Variants in RASSF5 observed in about 807,000 individuals in gnomAD.
The protein encoded by RASSF5 is Ras association domain family member 5.
RASSF5 carries 25 observed loss-of-function variants against 40.5 expected under a neutral mutation model. That is an observed-to-expected ratio of 0.62 (90% confidence interval 0.45 to 0.86). The LOEUF is 0.86. RASSF5 is among the 40% of genes least tolerant of loss of function. RASSF5 has a pLI of 0.00. For missense variants in RASSF5, 521 were observed against 572.8 expected, an observed-to-expected ratio of 0.91 and a Z score of 0.92; for synonymous variants, 246 against 252.4, an observed-to-expected ratio of 0.97 and a Z score of 0.24.
chr1:206,583,409 C>T, intron 3 of RASSF5, 30 bp downstream of exon 3: 1 of 1,455,918 alleles, frequency 6.9e-7, no homozygotes, highest in Non-Finnish European at 9.7e-7. Flanking sequence ...CAACCTGGCC[C>T]CTGCTCCACC....
intron 2 of RASSF5, among the ~76,000 whole-genome samples, chr1:206,578,516 A>C (rs1300014508): frequency 3.3e-5 from 5 of 152,192 alleles, no homozygotes; most frequent in Non-Finnish European, 7.3e-5. Flanking sequence ...TTGACAAATA[A>C]AGTGACTTCT....
At chr1:206,585,080 T>C in intron 4 of RASSF5, 100 bp from the exon 5 acceptor site, 2 of 808,248 alleles carry the variant, frequency 2.5e-6, no homozygotes, top group Non-Finnish European at 4.1e-6. Context: ...TACTTCCAGT[T>C]GTACGTACCC....
At chr1:206,548,896 C>T (rs1477966701) in intron 2 of RASSF5, among the ~76,000 whole-genome samples, 4 of 152,080 alleles carry the variant, frequency 2.6e-5, no homozygotes, top group East Asian at 1.9e-4. Context: ...GACAGAGTCT[C>T]GCTCTGTTGC....
chr1:206,568,679 G>A (rs1668350307), intron 2 of RASSF5, among the ~76,000 whole-genome samples: 5 of 152,186 alleles, frequency 3.3e-5, no homozygotes, highest in Admixed American at 2.6e-4. Context: ...CCCGGGCCCT[G>A]TACAGCCTGC....
intron 1 of RASSF5, among the ~76,000 whole-genome samples, chr1:206,516,509 T>A (rs1347957938): frequency 6.6e-6 from 1 of 151,868 alleles, no homozygotes; most frequent in Non-Finnish European, 1.5e-5. Flanking sequence ...CAGACTGGAG[T>A]GCAGTGGTGC....
intron 1 of RASSF5, among the ~76,000 whole-genome samples, chr1:206,523,477 A>C (rs1190196556): frequency 9.7e-6 from 1 of 103,598 alleles, no homozygotes; most frequent in Non-Finnish European, 1.8e-5. Context: ...TTTTATATAC[A>C]ATATATAATA....
At chr1:206,562,625 A>G (rs1429521466) in intron 2 of RASSF5, among the ~76,000 whole-genome samples, 1 of 152,156 alleles carries the variant, frequency 6.6e-6, no homozygotes, top group Admixed American at 6.5e-5. Context: ...AACAACATCA[A>G]GTACTTGGTT....
chr1:206,569,713 G>A (rs1553403908), intron 2 of RASSF5, among the ~76,000 whole-genome samples: 1 of 152,162 alleles, frequency 6.6e-6, no homozygotes, highest in Non-Finnish European at 1.5e-5. Context: ...CCTGATCTCT[G>A]AGCACAGGCT....
In RASSF5 at chr1:206,524,037, A is replaced by G. The variant is rs1419745260; in HGVS notation, c.458-14135A>G. ...ATATATAATAGGTATACCATATATA[A>G]TATATTTTATATATAATAGGTATAA... On this transcript the variant is annotated intron_variant, in intron 1 of 5. Coordinates refer to ENST00000579436, the MANE Select transcript of RASSF5 (RefSeq NM_182663.4). 5.0e-4 allele frequency among the ~76,000 whole-genome samples: 59 copies of G among 119,108 alleles called. No individual in the cohort carries two copies. The South Asian group carries it at 6.5e-3, about 13-fold the overall frequency. 78.1% of individuals were successfully genotyped at this position (119,108 alleles called of 152,430 possible).
rs1667369293 is a variant in RASSF5, at chr1:206,535,715, G to C, written c.458-2457G>C. Among the ~76,000 whole-genome samples the C allele has an allele frequency of 6.9e-6, 1 of 145,008 alleles. No individual in the cohort carries two copies. Among genetic ancestry groups the C allele is most frequent in the Non-Finnish European group, 1.5e-5 (1 of 65,326 alleles). ...TGTGTGTGTGTGTCTGTGTGTGTGT[G>C]GTGTGTGTGTGTGTGTGTGTGTGTG... On this transcript the variant is annotated intron_variant, in intron 1 of 5. Coordinates refer to ENST00000579436, the MANE Select transcript of RASSF5 (RefSeq NM_182663.4). This position sits in a 1 kb window ranked among gnomAD's most constrained non-coding sequence, Gnocchi z 5.0.
At chr1:206,567,107 T>G (rs2103547514) in intron 2 of RASSF5, among the ~76,000 whole-genome samples, 1 of 152,338 alleles carries the variant, frequency 6.6e-6, no homozygotes, top group East Asian at 1.9e-4. Context: ...GGACAACTTT[T>G]CAAACCTACA....
intron 1 of RASSF5, among the ~76,000 whole-genome samples, chr1:206,514,262 G>A (rs1313539451): frequency 6.6e-6 from 1 of 152,236 alleles, no homozygotes; most frequent in Non-Finnish European, 1.5e-5. Context: ...TTTGGCTGAG[G>A]AGTCTGGTGA....
At chr1:206,572,243 T>C (rs1668476731) in intron 2 of RASSF5, among the ~76,000 whole-genome samples, 1 of 152,158 alleles carries the variant, frequency 6.6e-6, no homozygotes, top group South Asian at 2.1e-4. Flanking sequence ...AATGAACCCC[T>C]ATTGTGTGCC....
chr1:206,554,719 C>T (rs1473416502), intron 2 of RASSF5, among the ~76,000 whole-genome samples: 1 of 152,212 alleles, frequency 6.6e-6, no homozygotes, highest in South Asian at 2.1e-4. Flanking sequence ...GAGGTTCAGA[C>T]AGGGCCATTA....
At chr1:206,524,670 T>TATGTATA (rs1667049381) in intron 1 of RASSF5, among the ~76,000 whole-genome samples, 3 of 60,870 alleles carry the variant, frequency 4.9e-5, no homozygotes, top group South Asian at 8.6e-4. Flanking sequence ...TAATATATAT[T>TATGTATA]ATATATAATA....
In RASSF5 at chr1:206,507,893, G is replaced by T. The variant is rs782592631; in HGVS notation, c.291G>T (p.Ala97=). The change falls in exon 1 of 6, where the codon GCG becomes GCT. Residue 97 remains alanine (A), a synonymous_variant. Coordinates refer to ENST00000579436, the MANE Select transcript of RASSF5 (RefSeq NM_182663.4). Reference sequence around the variant, plus strand: ...AGAGACTGCGGCGGCGGCCTGGAGCGCCCCGACCCCGCGACGTGCGGAGCA... The same window carrying T: ...AGAGACTGCGGCGGCGGCCTGGAGCTCCCCGACCCCGCGACGTGCGGAGCA... ...LQQRLRRRPG[A]PRPRDVRSIF... 3.3e-6 allele frequency: 5 copies of T among 1,500,390 alleles called. No individual in the cohort carries two copies. Among genetic ancestry groups the T allele is most frequent in the Non-Finnish European group, 4.4e-6 (5 of 1,131,988 alleles). The allele number at this position is 1,500,390 out of a possible 1,614,324, so 92.9% of individuals were successfully genotyped here.
chr1:206,527,154 TTCCA>T (rs1280258735), intron 1 of RASSF5, among the ~76,000 whole-genome samples: 9 of 152,182 alleles, frequency 5.9e-5, no homozygotes, highest in Non-Finnish European at 1.3e-4. Flanking sequence ...CGATTGAGTG[TTCCA>T]TCTTTTCCAC....
chr1:206,532,787 G>A (rs1553398133), intron 1 of RASSF5, among the ~76,000 whole-genome samples: 1 of 152,216 alleles, frequency 6.6e-6, no homozygotes, highest in African/African-American at 2.4e-5. Flanking sequence ...CTTGGCCTGG[G>A]CTGGAGGAGG....
At chr1:206,574,695 A>AG (rs1316872514) in intron 2 of RASSF5, among the ~76,000 whole-genome samples, 1 of 152,102 alleles carries the variant, frequency 6.6e-6, no homozygotes, top group Admixed American at 6.5e-5. Context: ...AGTGCCATAG[A>AG]GGGACCTGTG....
Sources: allele counts gnomAD v4.1 joint callset (sites outside exome capture counted in the v4.1 genomes callset), GRCh38; gene constraint gnomAD v4.1.1; non-coding constraint Gnocchi (gnomAD v3.1); transcripts MANE v1.5; gene names NCBI Gene and HGNC (gene_info 2026-07-23, HGNC 2026-07-21).